The following ADGRV1 variants were observed in gnomAD, a reference collection of about 807,000 sequenced individuals.
The protein encoded by ADGRV1 is G-protein coupled receptor 98.
ADGRV1 carries 359 observed loss-of-function variants against 596.2 expected under a neutral mutation model. The ratio of observed to expected loss-of-function variants is 0.60; its 90% CI spans 0.55 to 0.66. The LOEUF is 0.66. Ranked by LOEUF, ADGRV1 falls within the 30% of genes least tolerant of loss-of-function variation. The probability of loss-of-function intolerance (pLI) is 0.00; values close to 1 mark genes in which losing one functional copy is unlikely to be tolerated. For synonymous variants in ADGRV1, 2,681 were observed against 2,679.2 expected, an observed-to-expected ratio of 1.00 and a Z score of -0.02; for missense variants, 7,274 against 7,575.6, an observed-to-expected ratio of 0.96 and a Z score of 1.48.
In ADGRV1 at chr5:90,810,208, C is replaced by T. The variant is rs867526857; in HGVS notation, c.14973-25C>T. Reference sequence around the variant, plus strand: ...TTCCTATTTTTTAAAAAATCAATTTCTTCATGATTTAATTTTTTTCCCAGA... The same window carrying T: ...TTCCTATTTTTTAAAAAATCAATTTTTTCATGATTTAATTTTTTTCCCAGA... On this transcript the variant is annotated intron_variant, in intron 73 of 89. Coordinates refer to ENST00000405460, the MANE Select transcript of ADGRV1 (RefSeq NM_032119.4). The T allele has an allele frequency of 4.7e-6, 7 of 1,504,460 alleles. No homozygotes were observed. The Middle Eastern group carries it at 1.2e-3, about 263-fold the overall frequency. The allele number at this position is 1,504,460 out of a possible 1,614,324, so 93.2% of individuals were successfully genotyped here. A position where few individuals can be genotyped will look rare whatever the true frequency, so the allele number is the denominator to read the frequency against.
At chr5:90,738,341 T>C (rs1486040256) in intron 50 of ADGRV1, among the ~76,000 whole-genome samples, 1 of 152,146 alleles carries the variant, frequency 6.6e-6, no homozygotes, top group African/African-American at 2.4e-5. Context: ...TAAATTTGCT[T>C]TATATAATCA....
At chr5:90,575,960 G>A (rs562223924) in intron 1 of ADGRV1, among the ~76,000 whole-genome samples, 1 of 152,210 alleles carries the variant, frequency 6.6e-6, no homozygotes, top group Admixed American at 6.5e-5. Flanking sequence ...AAGACAAAGT[G>A]ATTTATCTTG....
intron 1 of ADGRV1, among the ~76,000 whole-genome samples, chr5:90,586,801 G>T (rs154559): frequency 0.24 from 37,043 of 152,026 alleles, 5,532 homozygotes; most frequent in African/African-American, 0.42. Flanking sequence ...CATTATCTTT[G>T]TATCTAATTG....
At position 90,863,848 on chromosome 5, in the gene ADGRV1, A is replaced by G. The variant is rs767694138; in HGVS notation, c.17847A>G (p.Leu5949=). ...TGACTCACATGATGGCAGCCAGCTTAGGTACACAGGTAGGAGAGCGCTGGC... is the reference window on the plus strand; with the variant it reads ...TGACTCACATGATGGCAGCCAGCTTGGGTACACAGGTAGGAGAGCGCTGGC... ...KLLTHMMAAS[L]GTQILFLASA... Residue 5949 remains leucine (L), a synonymous_variant, in exon 83 of 90, where the codon TTA becomes TTG. Coordinates refer to ENST00000405460, the MANE Select transcript of ADGRV1 (RefSeq NM_032119.4). 1.8e-5 allele frequency: 29 copies of G among 1,605,522 alleles called. No homozygotes were observed. The highest frequency in any genetic ancestry group is 3.3e-5 in the Admixed American group (2 of 59,984).
At chr5:91,092,486 A>G (rs890627894) in intron 86 of ADGRV1, 1 of 152,258 alleles carries the variant, frequency 6.6e-6, no homozygotes, top group Non-Finnish European at 1.5e-5. Flanking sequence ...GCTGAAAACA[A>G]TACTCCTCAA....
intron 11 of ADGRV1, among the ~76,000 whole-genome samples, chr5:90,639,142 A>C (rs1766646416): frequency 6.6e-6 from 1 of 151,902 alleles, no homozygotes; most frequent in Non-Finnish European, 1.5e-5. Flanking sequence ...TTATGGTTTT[A>C]ATATATGTTT....
intron 48 of ADGRV1, among the ~76,000 whole-genome samples, chr5:90,727,182 G>A (rs1751908454): frequency 6.6e-6 from 1 of 152,058 alleles, no homozygotes; most frequent in African/African-American, 2.4e-5. Context: ...TGACCTCCTG[G>A]GCTCTGGTGA....
chr5:90,906,442 G>GT (rs775013171), intron 83 of ADGRV1, among the ~76,000 whole-genome samples: 1 of 152,088 alleles, frequency 6.6e-6, no homozygotes, highest in Non-Finnish European at 1.5e-5. Flanking sequence ...CTTCTTCTTG[G>GT]TTCAGTCTTG....
intron 85 of ADGRV1, among the ~76,000 whole-genome samples, chr5:91,018,623 A>G (rs1783373995): frequency 6.6e-6 from 1 of 152,018 alleles, no homozygotes; most frequent in South Asian, 2.1e-4. Flanking sequence ...GGACATTCAT[A>G]CAAATAAATT....
chr5:90,828,443 A>G (rs73179328), intron 76 of ADGRV1, among the ~76,000 whole-genome samples: 2,457 of 152,212 alleles, frequency 0.016, 73 homozygotes, highest in African/African-American at 0.057. Context: ...GGTAGTTAAA[A>G]AAGAAAACTT....
chr5:90,868,795 A>AAAAT (rs1768385470), intron 83 of ADGRV1, among the ~76,000 whole-genome samples: 1 of 152,106 alleles, frequency 6.6e-6, no homozygotes, highest in Non-Finnish European at 1.5e-5. Flanking sequence ...ATATACATTT[A>AAAAT]AGTTGAATTT....
chr5:90,749,828 C>A (rs923598961), intron 52 of ADGRV1, among the ~76,000 whole-genome samples: 1 of 151,240 alleles, frequency 6.6e-6, no homozygotes, highest in Non-Finnish European at 1.5e-5. Flanking sequence ...TAGTTTGGGA[C>A]AAAAGAAAGA....
chr5:90,700,838 T>A (rs1747819781), intron 34 of ADGRV1, among the ~76,000 whole-genome samples: 1 of 152,164 alleles, frequency 6.6e-6, no homozygotes, highest in South Asian at 2.1e-4. Context: ...GAGGGCAATT[T>A]GGATAGTATA....
intron 1 of ADGRV1, among the ~76,000 whole-genome samples, chr5:90,606,980 C>A (rs1050884938): frequency 1.6e-4 from 25 of 152,170 alleles, no homozygotes; most frequent in African/African-American, 4.8e-4. Context: ...TAGGAATTAT[C>A]ATGATATTAT....
At chr5:90,690,459 A>G (rs112651636) in intron 30 of ADGRV1, among the ~76,000 whole-genome samples, 1 of 152,180 alleles carries the variant, frequency 6.6e-6, no homozygotes, top group African/African-American at 2.4e-5. Flanking sequence ...CCTTTCCTGC[A>G]TAACATCAGT....
At chr5:90,924,883 A>G (rs1238302412) in intron 83 of ADGRV1, among the ~76,000 whole-genome samples, 12 of 151,964 alleles carry the variant, frequency 7.9e-5, no homozygotes, top group Non-Finnish European at 1.8e-4. Flanking sequence ...CATTTATTAA[A>G]TAGGGAATCC....
intron 87 of ADGRV1, among the ~76,000 whole-genome samples, chr5:91,137,580 A>G (rs1381550538): frequency 6.6e-6 from 1 of 152,242 alleles, no homozygotes; most frequent in African/African-American, 2.4e-5. Context: ...TTTAAAGAAT[A>G]GTATACAACA....
intron 87 of ADGRV1, among the ~76,000 whole-genome samples, chr5:91,115,892 AG>A (rs1322583061): frequency 9.2e-5 from 14 of 152,156 alleles, no homozygotes; most frequent in Non-Finnish European, 2.9e-5. Flanking sequence ...GGTGGCAGTG[AG>A]CTGAGATCAT....
rs761667882 is a variant in ADGRV1, at chr5:90,784,004, A to G, written c.13600A>G (p.Met4534Val). 12 of 1,612,844 alleles carry G rather than the reference A, an allele frequency of 7.4e-6. No individual in the cohort carries two copies. The African/African-American group carries it at 1.1e-4, about 14-fold the overall frequency. The change falls in exon 67 of 90, where the codon ATG becomes GTG. Residue 4534 changes from methionine to valine, a missense_variant. This residue lies in a region of ADGRV1 where 3,643 missense variants were observed against 3,809.2 expected (regional missense o/e 0.96). Coordinates refer to ENST00000405460, the MANE Select transcript of ADGRV1 (RefSeq NM_032119.4). ...KISIANPNST[M>V]ILSLVLERTG... ...TTCTATTGCTAATCCCAATTCCACA[A>G]TGATTTTATCACTGGTGCTGGAGCG... is the stretch of plus-strand genomic sequence containing the variant.
Sources: gnomAD v4.1 joint callset for allele counts (sites outside exome capture counted in the v4.1 genomes callset) on GRCh38, gnomAD v4.1.1 for gene constraint, gnomAD v4.1.1 regional missense constraint, MANE v1.5 for transcripts, NCBI Gene and HGNC (gene_info 2026-07-23, HGNC 2026-07-21) for gene names.